FAF1: variants seen among roughly 807,000 people sequenced by gnomAD.
The protein encoded by FAF1 is FAS-associated factor 1.
A neutral mutation model predicts 92.5 loss-of-function variants in FAF1; 25 were observed. The observed-to-expected ratio is 0.27, with a 90% CI of 0.20 to 0.38. FAF1 has a LOEUF of 0.38. FAF1 is among the 10% of genes least tolerant of loss of function. The pLI is 1.00. For synonymous variants in FAF1, 234 were observed against 273.2 expected, an observed-to-expected ratio of 0.86 and a Z score of 1.42; for missense variants, 636 against 793.3, an observed-to-expected ratio of 0.80 and a Z score of 2.38.
chr1:50,448,887 G>A (rs1646259802), intron 18 of FAF1, among the ~76,000 whole-genome samples: 1 of 150,158 alleles, frequency 6.7e-6, no homozygotes, highest in Non-Finnish European at 1.5e-5. Flanking sequence ...AGAGCACTAA[G>A]CAAGTACTTA....
intron 15 of FAF1, among the ~76,000 whole-genome samples, chr1:50,532,908 C>A (rs868135112): frequency 2.0e-5 from 3 of 152,158 alleles, no homozygotes; most frequent in Middle Eastern, 3.2e-3. Context: ...AACTCGTGGG[C>A]TCAAGTGATT....
intron 3 of FAF1, among the ~76,000 whole-genome samples, chr1:50,792,763 A>G (rs1264962984): frequency 6.6e-6 from 1 of 152,162 alleles, no homozygotes; most frequent in Non-Finnish European, 1.5e-5. Flanking sequence ...GTTTTCTGTG[A>G]GTTGGGAATG....
At chr1:50,917,390 T>C (rs145539547) in intron 1 of FAF1, among the ~76,000 whole-genome samples, 1 of 152,116 alleles carries the variant, frequency 6.6e-6, no homozygotes, top group African/African-American at 2.4e-5. Flanking sequence ...AACTTGAAAA[T>C]ACAGGCTTTG....
intron 6 of FAF1, among the ~76,000 whole-genome samples, chr1:50,724,296 T>TACACACACAC (rs974347882): frequency 3.6e-4 from 42 of 117,212 alleles, no homozygotes; most frequent in East Asian, 1.4e-3. Flanking sequence ...CACACACACA[T>TACACACACAC]ACACACACAC....
intron 15 of FAF1, among the ~76,000 whole-genome samples, chr1:50,510,153 G>A (rs1335220346): frequency 1.4e-5 from 2 of 139,810 alleles, no homozygotes; most frequent in Non-Finnish European, 3.0e-5. Flanking sequence ...GTGACAGAAC[G>A]AGACTCTGTC....
chr1:50,742,764 C>CTGTCAAGGTTGTTGATTTA (rs1222970250), intron 5 of FAF1, among the ~76,000 whole-genome samples: 70 of 152,266 alleles, frequency 4.6e-4, no homozygotes, highest in Admixed American at 3.9e-4. Context: ...TGTTTTCTTT[C>CTGTCAAGGTTGTTGATTTA]TGTCAAGGTT....
At chr1:50,794,789 A>ATTTTTTTTTTTTTTTT (rs59806816) in intron 3 of FAF1, among the ~76,000 whole-genome samples, 2 of 123,494 alleles carry the variant, frequency 1.6e-5, no homozygotes, top group Non-Finnish European at 1.7e-5. Flanking sequence ...TCACCCAGCT[A>ATTTTTTTTTTTTTTTT]TTTTTTTTTT....
chr1:50,901,646 A>C (rs1434317379), intron 1 of FAF1, among the ~76,000 whole-genome samples: 1 of 152,176 alleles, frequency 6.6e-6, no homozygotes, highest in Admixed American at 6.5e-5. Context: ...CAGGTGGATC[A>C]CTTTGAGCTC....
intron 1 of FAF1, among the ~76,000 whole-genome samples, chr1:50,889,623 C>T (rs1557576666): frequency 6.6e-6 from 1 of 152,178 alleles, no homozygotes; most frequent in South Asian, 2.1e-4. Flanking sequence ...TCGTTATGTA[C>T]CCAGTAGTCA....
chr1:50,610,460 C>T (rs901335551), intron 8 of FAF1, among the ~76,000 whole-genome samples: 1 of 152,048 alleles, frequency 6.6e-6, no homozygotes, highest in Non-Finnish European at 1.5e-5. Context: ...AAAACAAATG[C>T]ATGTTTTTCA....
At chr1:50,789,834 A>G (rs567815116) in intron 3 of FAF1, among the ~76,000 whole-genome samples, 17 of 152,232 alleles carry the variant, frequency 1.1e-4, no homozygotes, top group African/African-American at 2.9e-4. Context: ...CTTGTGCTAC[A>G]CTATCTCCAG....
In FAF1 at chr1:50,519,347, T is replaced by TGAAG. The variant is rs1272209244; in HGVS notation, c.1494+16018_1494+16021dup. Among the ~76,000 whole-genome samples, 421 of 105,250 alleles carry TGAAG rather than the reference T, an allele frequency of 4.0e-3. 1 individual carries two copies. The highest frequency in any genetic ancestry group is 7.7e-3 in the African/African-American group (198 of 25,580). The allele number at this position is 105,250 out of a possible 152,430, so 69.0% of individuals were successfully genotyped here. The stretch of plus-strand genomic sequence containing the variant: ...GTCTCGAAAGAAAGAAAGGAAGGAA[T>TGAAG]GAAGGAAGGAAGGAAGGAAGGAAGG... On this transcript the variant is annotated intron_variant, in intron 15 of 18. Coordinates refer to ENST00000396153, the MANE Select transcript of FAF1 (RefSeq NM_007051.3).
At chr1:50,949,093 G>GA (rs1269367278) in intron 1 of FAF1, among the ~76,000 whole-genome samples, 1 of 152,186 alleles carries the variant, frequency 6.6e-6, no homozygotes, top group East Asian at 1.9e-4. Flanking sequence ...GGAATGGACG[G>GA]AATTTCAAAA....
chr1:50,801,553 T>C, intron 3 of FAF1, 78 bp downstream of exon 3: 1 of 795,778 alleles, frequency 1.3e-6, no homozygotes, highest in Non-Finnish European at 2.2e-6. Flanking sequence ...TATTAAAAAA[T>C]AAAACAAAAA....
chr1:50,715,404 C>A (rs1490927101), intron 6 of FAF1, among the ~76,000 whole-genome samples: 1 of 151,986 alleles, frequency 6.6e-6, no homozygotes, highest in Non-Finnish European at 1.5e-5. Flanking sequence ...GAGTTTAAGA[C>A]CAGCCTGGGC....
At chr1:50,490,116 T>G (rs1196784756) in intron 17 of FAF1, among the ~76,000 whole-genome samples, 1 of 152,136 alleles carries the variant, frequency 6.6e-6, no homozygotes, top group African/African-American at 2.4e-5. Context: ...TGCCAGCACT[T>G]TGGAAGGCCA....
At chr1:50,451,797 GTTTAT>G in intron 18 of FAF1, 3 of 984,648 alleles carry the variant, frequency 3.0e-6, no homozygotes, top group Non-Finnish European at 3.6e-6. Flanking sequence ...ACTTACCCAA[GTTTAT>G]TCAGCATTCA....
At chr1:50,678,225 C>T (rs1656225231) in intron 7 of FAF1, among the ~76,000 whole-genome samples, 1 of 152,156 alleles carries the variant, frequency 6.6e-6, no homozygotes, top group African/African-American at 2.4e-5. Flanking sequence ...GCTGTTTGAA[C>T]TTATGAAAGA....
intron 1 of FAF1, among the ~76,000 whole-genome samples, chr1:50,948,939 T>C (rs1320137279): frequency 6.6e-6 from 1 of 152,156 alleles, no homozygotes; most frequent in Non-Finnish European, 1.5e-5. Flanking sequence ...ATCCAATATC[T>C]ACCTCTAGGA....
Sources: allele counts gnomAD v4.1 joint callset (sites outside exome capture counted in the v4.1 genomes callset), GRCh38; gene constraint gnomAD v4.1.1; transcripts MANE v1.5; gene names NCBI Gene and HGNC (gene_info 2026-07-23, HGNC 2026-07-21).